SPATA13: variants seen among roughly 807,000 people sequenced by gnomAD.
The protein encoded by SPATA13 is spermatogenesis associated 13.
Under a neutral mutation model 104.0 loss-of-function variants are expected in SPATA13, and 50 were observed. The observed-to-expected ratio is 0.48, with a 90% CI of 0.38 to 0.61. SPATA13 has a LOEUF of 0.61. Among genes scored for constraint, SPATA13 ranks in the 20% least tolerant of loss-of-function variants. SPATA13 has a pLI of 0.00. For missense variants in SPATA13, 1,524 were observed against 1,690.6 expected (o/e 0.90, Z 1.73); for synonymous variants, 606 against 667.5 (o/e 0.91, Z 1.42).
chr13:24,132,696 G>A (rs558218525), intron 3 of SPATA13, among the ~76,000 whole-genome samples: 5 of 152,314 alleles, frequency 3.3e-5, no homozygotes, highest in Admixed American at 2.0e-4. Flanking sequence ...AAGGATGGCC[G>A]GGCATGGTGG....
Position 24,224,266 on chromosome 13 carries a change from A to T in SPATA13, c.1337A>T (p.Asp446Val). ...GATGTGTTGAGCAAAGACTCCTGTG[A>T]CCCAAACGCTGGCAGCCAGTTGACA... ...VQDVLSKDSC[D>V]PNAGSQLTFD... The change falls in exon 2 of 13, where the codon GAC becomes GTC. Residue 446 changes from aspartate (D) to valine (V), a missense_variant. Asp to Val is a radical substitution (Grantham distance 152). Around this residue, in one of 2 missense-constraint regions of SPATA13, gnomAD observed 1,089 missense variants for 1,135.9 expected, o/e 0.96. Transcript: ENST00000382108. 1.9e-6 allele frequency: 3 copies of T among 1,551,506 alleles called. No homozygotes were observed. Among genetic ancestry groups the T allele is most frequent in the Non-Finnish European group, 2.6e-6 (3 of 1,146,946 alleles).
chr13:24,159,248 A>G (rs942061068), upstream of SPATA13, among the ~76,000 whole-genome samples: 2 of 152,198 alleles, frequency 1.3e-5, no homozygotes, highest in African/African-American at 2.4e-5. Flanking sequence ...CTCACATACT[A>G]TGTTTCTAAA....
At chr13:24,270,994 T>C (rs908460652) in intron 4 of SPATA13, 39 of 460,816 alleles carry the variant, frequency 8.5e-5, no homozygotes, top group Admixed American at 2.7e-4. Context: ...GTTCTTCCCC[T>C]CTCTCTCTCT....
intron 3 of SPATA13, among the ~76,000 whole-genome samples, chr13:24,124,170 C>T (rs954247835): frequency 2.0e-5 from 3 of 152,210 alleles, no homozygotes; most frequent in Non-Finnish European, 2.9e-5. Context: ...TATTAGAGTT[C>T]ATACAGAGAA....
At chr13:24,130,614 G>C (rs970992118) in intron 3 of SPATA13, among the ~76,000 whole-genome samples, 2 of 152,180 alleles carry the variant, frequency 1.3e-5, no homozygotes, top group Non-Finnish European at 2.9e-5. Context: ...GCTTTATGGG[G>C]TTAATAACTC....
intron 3 of SPATA13, among the ~76,000 whole-genome samples, chr13:24,140,733 T>C (rs1201140754): frequency 1.3e-5 from 2 of 152,242 alleles, no homozygotes; most frequent in African/African-American, 4.8e-5. Flanking sequence ...TAGTATTATA[T>C]AATGAAGTGA....
Position 24,193,041 on chromosome 13 carries a change from G to T in SPATA13, c.-111-29778G>T, listed in dbSNP as rs187699200. ...GAAAGTCAAGGTGTGTGGGCTGAGA[G>T]CCCTGGGGGGCCAGGCTGAGGAGCT... On this transcript the variant is annotated intron_variant, in intron 1 of 12. Coordinates refer to ENST00000382108, the MANE Select transcript of SPATA13 (RefSeq NM_001166271.3). 5.5e-4 allele frequency among the ~76,000 whole-genome samples: 84 copies of T among 152,342 alleles called. 1 individual carries two copies. The East Asian group carries it at 0.013, about 24-fold the overall frequency.
At chr13:23,989,358 G>A (rs1593260084) in intron 2 of SPATA13, among the ~76,000 whole-genome samples, 1 of 151,812 alleles carries the variant, frequency 6.6e-6, no homozygotes, top group East Asian at 1.9e-4. Flanking sequence ...GGAGGTAGAG[G>A]TTGCAATGAG....
At chr13:24,268,814 G>T (rs1245470475) in intron 4 of SPATA13, among the ~76,000 whole-genome samples, 1 of 152,198 alleles carries the variant, frequency 6.6e-6, no homozygotes, top group Non-Finnish European at 1.5e-5. Context: ...GGTCATAAGA[G>T]TTTGTGTGAT....
chr13:24,047,015 C>T (rs911608934), intron 3 of SPATA13, among the ~76,000 whole-genome samples: 2 of 152,176 alleles, frequency 1.3e-5, no homozygotes, highest in East Asian at 3.9e-4. Flanking sequence ...GGTTTCATGG[C>T]TAATTTGGTG....
intron 1 of SPATA13, among the ~76,000 whole-genome samples, chr13:24,178,281 T>G (rs1276084258): frequency 5.3e-5 from 8 of 152,248 alleles, no homozygotes. Context: ...CTCTGCCACC[T>G]GTGAGCATGC....
rs560749458 is a variant in SPATA13, at chr13:24,142,361, T to C, written c.-111-80458T>C. ...TCCAGGATCCCACATTCCAGTCAGT[T>C]GTCAAACTAAACTGTTTTCTCCAAA... On this transcript the variant is annotated intron_variant, in intron 3 of 14. Transcript: ENST00000424834. Among the ~76,000 whole-genome samples the C allele has an allele frequency of 3.9e-5, 6 of 152,330 alleles. No homozygotes were observed. In the South Asian group the frequency reaches 6.2e-4, roughly 16 times the overall value.
intron 3 of SPATA13, among the ~76,000 whole-genome samples, chr13:24,085,700 A>C: frequency 6.6e-6 from 1 of 152,144 alleles, no homozygotes; most frequent in Non-Finnish European, 1.5e-5. Flanking sequence ...CGTGCTGGGC[A>C]GTGAAGAGGG....
At chr13:24,252,818 T>G (rs1292549432) in intron 4 of SPATA13, 1 of 152,168 alleles carries the variant, frequency 6.6e-6, no homozygotes, top group Non-Finnish European at 1.5e-5. Flanking sequence ...GGAACCAGGC[T>G]AGGGAAGGGA....
intron 1 of SPATA13, among the ~76,000 whole-genome samples, chr13:24,192,786 T>C (rs1241150970): frequency 1.3e-5 from 2 of 152,034 alleles, no homozygotes; most frequent in Non-Finnish European, 2.9e-5. Context: ...CTTGAAGATC[T>C]CAAGGATTTT....
At chr13:24,214,720 G>A (rs1470099357) in intron 1 of SPATA13, among the ~76,000 whole-genome samples, 2 of 152,162 alleles carry the variant, frequency 1.3e-5, no homozygotes, top group Admixed American at 1.3e-4. Context: ...CAGCACATCT[G>A]TTTCCCTCCT....
At chr13:24,044,440 C>T (rs1170828769) in intron 3 of SPATA13, among the ~76,000 whole-genome samples, 1 of 152,014 alleles carries the variant, frequency 6.6e-6, no homozygotes, top group Non-Finnish European at 1.5e-5. Flanking sequence ...ACCGTGTTGG[C>T]CAAGATGATC....
intron 2 of SPATA13, among the ~76,000 whole-genome samples, chr13:24,000,409 C>A (rs61945308): frequency 6.6e-6 from 1 of 151,868 alleles, no homozygotes; most frequent in East Asian, 1.9e-4. Flanking sequence ...CAGTGCTGGG[C>A]GGTGAGGTGT....
intron 4 of SPATA13, among the ~76,000 whole-genome samples, chr13:24,269,362 A>T (rs952591495): frequency 2.2e-4 from 2 of 8,990 alleles, no homozygotes; most frequent in African/African-American, 8.2e-4. Context: ...TTTAACATGT[A>T]TGTATGTATG....
Sources: gnomAD v4.1 joint callset for allele counts (sites outside exome capture counted in the v4.1 genomes callset) on GRCh38, gnomAD v4.1.1 for gene constraint, gnomAD v4.1.1 regional missense constraint, MANE v1.5 for transcripts, NCBI Gene and HGNC (gene_info 2026-07-23, HGNC 2026-07-21) for gene names.